EVI5: variants seen among roughly 807,000 people sequenced by gnomAD.
The protein encoded by EVI5 is ecotropic viral integration site 5 protein homolog.
Under a neutral mutation model 112.0 loss-of-function variants are expected in EVI5, and 73 were observed. The ratio of observed to expected loss-of-function variants is 0.65; its 90% confidence interval spans 0.54 to 0.79. The LOEUF is 0.79. Ranked by LOEUF, EVI5 falls within the 30% of genes least tolerant of loss-of-function variation. The probability of loss-of-function intolerance (pLI) is 0.00; values close to 1 mark genes in which losing one functional copy is unlikely to be tolerated. For synonymous variants in EVI5, 305 were observed against 319.9 expected (o/e 0.95, Z 0.50); for missense variants, 900 against 968.8 (o/e 0.93, Z 0.94).
At chr1:92,761,702 C>A (rs1313059186) in intron 1 of EVI5, among the ~76,000 whole-genome samples, 1 of 152,120 alleles carries the variant, frequency 6.6e-6, no homozygotes, top group Non-Finnish European at 1.5e-5. Flanking sequence ...AACTCCTGGG[C>A]TCTAGTAATG....
intron 13 of EVI5, among the ~76,000 whole-genome samples, chr1:92,640,500 A>C (rs1472670433): frequency 2.0e-5 from 3 of 152,212 alleles, no homozygotes; most frequent in Non-Finnish European, 4.4e-5. Context: ...AAACATCAAA[A>C]AAAAGCTCAA....
At chr1:92,635,745 C>A (rs2101907373) in intron 14 of EVI5, among the ~76,000 whole-genome samples, 1 of 152,254 alleles carries the variant, frequency 6.6e-6, no homozygotes, top group African/African-American at 2.4e-5. Flanking sequence ...GCGTCGCTCA[C>A]ACTGGGAGCT....
At chr1:92,772,393 A>G (rs923673733) in intron 1 of EVI5, among the ~76,000 whole-genome samples, 1 of 151,402 alleles carries the variant, frequency 6.6e-6, no homozygotes, top group African/African-American at 2.4e-5. Context: ...TCAGGAGATC[A>G]AGACCATCCT....
chr1:92,660,232 C>T (rs950183618), intron 13 of EVI5, among the ~76,000 whole-genome samples: 3 of 151,894 alleles, frequency 2.0e-5, no homozygotes, highest in African/African-American at 7.2e-5. Context: ...ATAAAAATAA[C>T]ACTATTGAGC....
At chr1:92,547,683 T>C (rs547824303) in intron 19 of EVI5, among the ~76,000 whole-genome samples, 74 of 152,178 alleles carry the variant, frequency 4.9e-4, no homozygotes, top group Middle Eastern at 3.4e-3. Flanking sequence ...CGATCCCACA[T>C]ACATACAAAC....
At chr1:92,516,653 T>C (rs189417184) in intron 19 of EVI5, among the ~76,000 whole-genome samples, 37 of 152,252 alleles carry the variant, frequency 2.4e-4, no homozygotes, top group Admixed American at 1.5e-3. Flanking sequence ...GAATATGTTC[T>C]AGAAGGGGCT....
At chr1:92,771,434 T>C (rs1683393507) in intron 1 of EVI5, among the ~76,000 whole-genome samples, 1 of 151,974 alleles carries the variant, frequency 6.6e-6, no homozygotes, top group South Asian at 2.1e-4. Context: ...TTCACTCTAT[T>C]GTCATACCAA....
rs149028173 is a variant in EVI5, at chr1:92,621,851, G to A, written c.1827+2325C>T. ...AGAAATCTAAATCAAGGCAGGGCAC[G>A]GTGGCTCACGCCTGTAATCCCAGCA... On this transcript the variant is annotated intron_variant, in intron 16 of 19. Coordinates refer to ENST00000684568, the MANE Select transcript of EVI5 (RefSeq NM_001350197.2). 3.9e-4 allele frequency among the ~76,000 whole-genome samples: 60 copies of A among 152,208 alleles called. No homozygotes were observed. The East Asian group carries it at 0.01, about 26-fold the overall frequency.
chr1:92,530,953 A>C (rs1662767746), intron 19 of EVI5, among the ~76,000 whole-genome samples: 1 of 152,088 alleles, frequency 6.6e-6, no homozygotes, highest in Non-Finnish European at 1.5e-5. Flanking sequence ...AATTGACAGA[A>C]GTAGGCTTCA....
rs1481817638 is a variant in EVI5 at position 92,607,742 on chromosome 1, T to C, written c.1828-15A>G. The stretch of plus-strand genomic sequence containing the variant: ...TTGATCTGGTTCTAATAATCAGAAA[T>C]ATAAATACTGAGACTATAGATACAA... On this transcript the variant is annotated splice_polypyrimidine_tract_variant and intron_variant, in intron 16 of 19. Coordinates refer to ENST00000684568, the MANE Select transcript of EVI5 (RefSeq NM_001350197.2). The C allele has an allele frequency of 3.9e-6, 6 of 1,558,016 alleles. No individual in the cohort carries two copies. Among genetic ancestry groups the C allele is most frequent in the Non-Finnish European group, 5.2e-6 (6 of 1,151,582 alleles).
At chr1:92,560,338 A>G (rs1413410988) in intron 19 of EVI5, among the ~76,000 whole-genome samples, 2 of 152,222 alleles carry the variant, frequency 1.3e-5, no homozygotes, top group Non-Finnish European at 2.9e-5. Context: ...TAAAGTTCAA[A>G]AAGTTAAACT....
At chr1:92,581,581 A>G (rs1211968512) in intron 18 of EVI5, among the ~76,000 whole-genome samples, 2 of 152,196 alleles carry the variant, frequency 1.3e-5, no homozygotes, top group Non-Finnish European at 2.9e-5. Flanking sequence ...AAGCCCTGGC[A>G]GGCCTCTCTG....
At chr1:92,593,655 G>A (rs1226523627) in intron 18 of EVI5, among the ~76,000 whole-genome samples, 9 of 152,104 alleles carry the variant, frequency 5.9e-5, no homozygotes, top group African/African-American at 2.2e-4. Context: ...TGACATGATT[G>A]TATATCTAGA....
intron 1 of EVI5, among the ~76,000 whole-genome samples, chr1:92,746,410 T>G (rs1679251504): frequency 6.6e-6 from 1 of 152,200 alleles, no homozygotes; most frequent in Non-Finnish European, 1.5e-5. Flanking sequence ...TTTGCAGCTA[T>G]ACACACTAAA....
At chr1:92,610,119 C>T (rs1651425393) in intron 16 of EVI5, among the ~76,000 whole-genome samples, 1 of 152,060 alleles carries the variant, frequency 6.6e-6, no homozygotes, top group Non-Finnish European at 1.5e-5. Context: ...ACTCCTGAGC[C>T]CAAGTGATCC....
chr1:92,681,030 T>C (rs1471024882), intron 9 of EVI5, among the ~76,000 whole-genome samples: 2 of 152,180 alleles, frequency 1.3e-5, no homozygotes, highest in East Asian at 3.8e-4. Flanking sequence ...TGGGACAGCA[T>C]ATATACAGCA....
At chr1:92,790,690 G>A (rs1437122882) in intron 1 of EVI5, among the ~76,000 whole-genome samples, 2 of 151,892 alleles carry the variant, frequency 1.3e-5, no homozygotes, top group African/African-American at 4.8e-5. Context: ...ATGGTGGCGT[G>A]CACCTGTAGT....
chr1:92,653,819 G>T (rs1662563662), intron 13 of EVI5, among the ~76,000 whole-genome samples: 1 of 152,224 alleles, frequency 6.6e-6, no homozygotes, highest in African/African-American at 2.4e-5. Flanking sequence ...AAGCCAAGGG[G>T]CAGTCATCTT....
chr1:92,714,562 T>G (rs1370667749), intron 2 of EVI5, among the ~76,000 whole-genome samples: 1 of 152,240 alleles, frequency 6.6e-6, no homozygotes, highest in Non-Finnish European at 1.5e-5. Context: ...AGAAGAGCAC[T>G]AAAGCTTAGT....
Sources: allele counts gnomAD v4.1 joint callset (sites outside exome capture counted in the v4.1 genomes callset), GRCh38; gene constraint gnomAD v4.1.1; transcripts MANE v1.5; gene names NCBI Gene and HGNC (gene_info 2026-07-23, HGNC 2026-07-21).